SSBP3: variants seen among roughly 807,000 people sequenced by gnomAD.
SSBP3 encodes the protein single-stranded DNA-binding protein 3.
In SSBP3, 5 loss-of-function variants were observed where a neutral mutation model predicts 69.6. That is an observed-to-expected ratio of 0.07 (90% CI 0.04 to 0.15). The LOEUF (loss-of-function observed/expected upper bound fraction) is 0.15, where lower values mean the gene tolerates loss of function less well. SSBP3 is among the 10% of genes least tolerant of loss of function. SSBP3 has a pLI of 1.00. For synonymous variants in SSBP3, 196 were observed against 193.4 expected (o/e 1.01, Z -0.11); for missense variants, 312 against 534.0 (o/e 0.58, Z 4.10).
chr1:54,394,726 G>A (rs888954195), intron 4 of SSBP3, among the ~76,000 whole-genome samples: 4 of 126,842 alleles, frequency 3.2e-5, no homozygotes, highest in South Asian at 2.5e-4. Flanking sequence ...TTTTTGAGAC[G>A]GAGTCTGGCT....
At chr1:54,398,746 G>A (rs958897535) in intron 4 of SSBP3, among the ~76,000 whole-genome samples, 8 of 152,064 alleles carry the variant, frequency 5.3e-5, no homozygotes, top group Admixed American at 3.9e-4. Context: ...CCCATGACCC[G>A]GGGGACCTCT....
In SSBP3 at chr1:54,281,434, G is replaced by A. The variant is rs927444093; in HGVS notation, c.366+4C>T. On this transcript the variant is annotated splice_donor_region_variant and intron_variant, in intron 5 of 17. Coordinates refer to ENST00000610401, the Ensembl canonical transcript of SSBP3. ...AGCACAAGACCCACGGGCCCCGCACGTACCTGAAAGAAACCTGGCGGGATG... is the reference window on the plus strand; with the variant it reads ...AGCACAAGACCCACGGGCCCCGCACATACCTGAAAGAAACCTGGCGGGATG... The A allele has an allele frequency of 3.3e-5, 51 of 1,558,062 alleles. No individual in the cohort carries two copies. The highest frequency in any genetic ancestry group is 1.7e-4 in the Middle Eastern group (1 of 6,010).
In SSBP3 at chr1:54,240,472, A is replaced by AAGG. The variant is rs1553123335; in HGVS notation, c.856+432_856+433insCCT. Among the ~76,000 whole-genome samples the AAGG allele has an allele frequency of 4.6e-4, 29 of 63,342 alleles. 4 individuals are homozygous for AAGG. Among genetic ancestry groups the AAGG allele is most frequent in the East Asian group, 6.5e-4 (1 of 1,548 alleles). 41.6% of individuals were successfully genotyped at this position (63,342 alleles called of 152,430 possible). ...TTCTACCTCAAAAAAGAAAAAAAAA[A>AAGG]GGGGGGGGGGGCGGGGGGGAGAAGG... is the stretch of plus-strand genomic sequence containing the variant. On this transcript the variant is annotated intron_variant, in intron 13 of 17. Transcript: ENST00000610401.
At chr1:54,230,225 G>A (rs1053549308) in intron 14 of SSBP3, among the ~76,000 whole-genome samples, 1 of 152,082 alleles carries the variant, frequency 6.6e-6, no homozygotes, top group African/African-American at 2.4e-5. Context: ...CTCTCCAGTG[G>A]GCCCCCCACC....
At chr1:54,412,572 A>AGAG in intron 1 of SSBP3, 2 of 152,328 alleles carry the variant, frequency 1.3e-5, no homozygotes. Context: ...TTTAATGATA[A>AGAG]TAGAGCTTCA....
chr1:54,407,306 G>A (rs562822202), upstream of SSBP3, among the ~76,000 whole-genome samples: 1 of 152,332 alleles, frequency 6.6e-6, no homozygotes, highest in Admixed American at 6.5e-5. Flanking sequence ...TCACCTGGGC[G>A]GCCCGCGACG....
intron 4 of SSBP3, among the ~76,000 whole-genome samples, chr1:54,334,761 T>C (rs2100479605): frequency 6.6e-6 from 1 of 152,340 alleles, no homozygotes; most frequent in African/African-American, 2.4e-5. Flanking sequence ...GCAGTGAGCC[T>C]GTATTACTCT....
At chr1:54,323,095 G>T (rs1366653890) in intron 4 of SSBP3, among the ~76,000 whole-genome samples, 1 of 152,162 alleles carries the variant, frequency 6.6e-6, no homozygotes, top group Non-Finnish European at 1.5e-5. Context: ...ACTTCCTGGG[G>T]TGAGGAGAGG....
At chr1:54,363,914 C>T (rs962242500) in intron 4 of SSBP3, among the ~76,000 whole-genome samples, 2 of 152,184 alleles carry the variant, frequency 1.3e-5, no homozygotes, top group African/African-American at 2.4e-5. Context: ...CAGGCCACCT[C>T]CCCAGCAACC....
intron 4 of SSBP3, among the ~76,000 whole-genome samples, chr1:54,377,904 A>G (rs1339416367): frequency 1.3e-5 from 2 of 152,218 alleles, no homozygotes; most frequent in South Asian, 2.1e-4. Context: ...GTTATCTGCT[A>G]TATTATTTTA....
At chr1:54,259,764 C>T (rs967827012) in intron 5 of SSBP3, among the ~76,000 whole-genome samples, 93 of 152,332 alleles carry the variant, frequency 6.1e-4, no homozygotes, top group African/African-American at 2.1e-3. Context: ...GAGGGCGCCG[C>T]CGCTGTGAGG....
At chr1:54,295,175 G>C (rs1468223696) in intron 4 of SSBP3, among the ~76,000 whole-genome samples, 1 of 152,140 alleles carries the variant, frequency 6.6e-6, no homozygotes, top group Non-Finnish European at 1.5e-5. Flanking sequence ...AGAGCAGAGA[G>C]ACCAGGATCC....
At position 54,262,791 on chromosome 1, in the gene SSBP3, C is replaced by T. The variant is rs187942003; in HGVS notation, c.367-4642G>A. ...TCAGAGCTCTTTCCACTGCACTGCACTGCCTCTGCAGGGTGATGGCAGCAG... is the reference window on the plus strand; with the variant it reads ...TCAGAGCTCTTTCCACTGCACTGCATTGCCTCTGCAGGGTGATGGCAGCAG... On this transcript the variant is annotated intron_variant, in intron 5 of 17. Transcript: ENST00000610401. Among the ~76,000 whole-genome samples the T allele has an allele frequency of 2.7e-3, 412 of 152,336 alleles. 3 individuals are homozygous for T. Among genetic ancestry groups the T allele is most frequent in the African/African-American group, 9.4e-3 (391 of 41,572 alleles).
chr1:54,399,439 G>A (rs777045831), intron 4 of SSBP3, among the ~76,000 whole-genome samples: 21 of 152,170 alleles, frequency 1.4e-4, no homozygotes, highest in Non-Finnish European at 2.4e-4. Flanking sequence ...TTCTCTCATC[G>A]GGTCTCTGGC....
At chr1:54,236,883 C>T (rs907681305) in intron 14 of SSBP3, 3 of 152,150 alleles carry the variant, frequency 2.0e-5, no homozygotes, top group Non-Finnish European at 2.9e-5. Flanking sequence ...GTGACAGTGT[C>T]GGGTACGAGG....
chr1:54,392,650 G>C (rs1648579193), intron 4 of SSBP3, among the ~76,000 whole-genome samples: 1 of 152,190 alleles, frequency 6.6e-6, no homozygotes, highest in Non-Finnish European at 1.5e-5. Flanking sequence ...CGAGTACTTA[G>C]CACAGTTGAT....
chr1:54,237,570 G>A (rs575387605), intron 14 of SSBP3: 3 of 154,010 alleles, frequency 1.9e-5, no homozygotes, highest in African/African-American at 7.2e-5. Flanking sequence ...TTCTGTTTGG[G>A]TTCTTTCCTC....
intron 4 of SSBP3, among the ~76,000 whole-genome samples, chr1:54,284,213 C>A (rs1645446918): frequency 6.8e-6 from 1 of 147,318 alleles, no homozygotes; most frequent in East Asian, 2.0e-4. Flanking sequence ...GAATTACAGG[C>A]ATGAGCCACC....
intron 4 of SSBP3, among the ~76,000 whole-genome samples, chr1:54,344,344 G>A (rs1358097782): frequency 6.6e-6 from 1 of 152,214 alleles, no homozygotes; most frequent in East Asian, 1.9e-4. Flanking sequence ...TACAAAGACA[G>A]CTATGCACTG....
Sources: allele counts gnomAD v4.1 joint callset (sites outside exome capture counted in the v4.1 genomes callset), GRCh38; gene constraint gnomAD v4.1.1; transcripts MANE v1.5; gene names NCBI Gene and HGNC (gene_info 2026-07-23, HGNC 2026-07-21).